Variants in DSCAM observed in about 807,000 individuals in gnomAD.
DSCAM encodes the protein DS cell adhesion molecule.
A neutral mutation model predicts 217.7 loss-of-function variants in DSCAM; 47 were observed. That is an observed-to-expected ratio of 0.22 (90% CI 0.17 to 0.28). The LOEUF is 0.28. Among genes scored for constraint, DSCAM ranks in the 10% least tolerant of loss-of-function variants. DSCAM has a pLI of 1.00. For synonymous variants in DSCAM, 1,056 were observed against 1,015.3 expected, an observed-to-expected ratio of 1.04 and a Z score of -0.76; for missense variants, 2,080 against 2,618.3, an observed-to-expected ratio of 0.79 and a Z score of 4.49.
chr21:40,342,097 G>A (rs1429658262), intron 6 of DSCAM, among the ~76,000 whole-genome samples: 1 of 151,994 alleles, frequency 6.6e-6, no homozygotes, highest in Non-Finnish European at 1.5e-5. Context: ...TCCTTTAGTG[G>A]GTGTCTGCTC....
chr21:40,188,801 T>TA (rs2090923355), intron 12 of DSCAM, among the ~76,000 whole-genome samples: 1 of 150,804 alleles, frequency 6.6e-6, no homozygotes, highest in Admixed American at 6.6e-5. Context: ...TTTTTTTTTT[T>TA]TACTACATTT....
intron 26 of DSCAM, among the ~76,000 whole-genome samples, chr21:40,076,334 C>T (rs545390330): frequency 1.3e-5 from 2 of 151,994 alleles, no homozygotes; most frequent in East Asian, 1.9e-4. Flanking sequence ...CAGAAACATT[C>T]GGCTAAGGAA....
intron 11 of DSCAM, among the ~76,000 whole-genome samples, chr21:40,223,799 T>C (rs444584): frequency 0.55 from 84,135 of 152,096 alleles, 25,200 homozygotes; most frequent in African/African-American, 0.79. Flanking sequence ...ACAACACTTA[T>C]GTGAACACAT....
chr21:40,409,050 A>C (rs1847974242), intron 3 of DSCAM, among the ~76,000 whole-genome samples: 1 of 152,232 alleles, frequency 6.6e-6, no homozygotes, highest in Non-Finnish European at 1.5e-5. Flanking sequence ...TAATGCTTAC[A>C]AAGAAAGAAA....
chr21:40,790,629 G>A (rs377405739), intron 1 of DSCAM, among the ~76,000 whole-genome samples: 12 of 152,190 alleles, frequency 7.9e-5, no homozygotes, highest in East Asian at 5.8e-4. Flanking sequence ...GGGAGTAATT[G>A]TGTGTTATGA....
At chr21:40,659,377 CT>C (rs2090112026) in intron 3 of DSCAM, among the ~76,000 whole-genome samples, 1 of 147,628 alleles carries the variant, frequency 6.8e-6, no homozygotes. Context: ...ATCTATCTAT[CT>C]ATCTATCTAT....
intron 15 of DSCAM, among the ~76,000 whole-genome samples, chr21:40,169,347 T>C (rs542907642): frequency 2.6e-5 from 4 of 152,122 alleles, no homozygotes; most frequent in African/African-American, 9.6e-5. Flanking sequence ...AGGAGAGAGT[T>C]ATGGGCTTTG....
intron 1 of DSCAM, among the ~76,000 whole-genome samples, chr21:40,710,926 C>T (rs1320008353): frequency 6.6e-6 from 1 of 151,890 alleles, no homozygotes; most frequent in Non-Finnish European, 1.5e-5. Flanking sequence ...TACCAGACAA[C>T]CTTCTAACAC....
intron 3 of DSCAM, among the ~76,000 whole-genome samples, chr21:40,507,800 G>A (rs2076221661): frequency 6.6e-6 from 1 of 151,996 alleles, no homozygotes. Flanking sequence ...AAAAATAAAT[G>A]TATAAATAAA....
chr21:40,492,568 G>C (rs1601687376), intron 3 of DSCAM, among the ~76,000 whole-genome samples: 1 of 151,632 alleles, frequency 6.6e-6, no homozygotes, highest in Non-Finnish European at 1.5e-5. Context: ...GCAAATTCTG[G>C]AGCTAGAAAA....
chr21:40,108,408 A>G (rs2089849625), intron 20 of DSCAM, among the ~76,000 whole-genome samples: 1 of 152,208 alleles, frequency 6.6e-6, no homozygotes, highest in Non-Finnish European at 1.5e-5. Context: ...CACAACTGCC[A>G]CAAAAAGAAT....
intron 3 of DSCAM, among the ~76,000 whole-genome samples, chr21:40,491,979 G>GATGTAGT (rs1484106229): frequency 6.6e-6 from 1 of 152,076 alleles, no homozygotes; most frequent in Non-Finnish European, 1.5e-5. Flanking sequence ...TATTAGGTTT[G>GATGTAGT]ATGTAGTACC....
intron 3 of DSCAM, among the ~76,000 whole-genome samples, chr21:40,680,487 C>T (rs901488372): frequency 5.9e-5 from 9 of 152,174 alleles, no homozygotes; most frequent in Non-Finnish European, 7.4e-5. Context: ...CCCTGCTGTG[C>T]GCTGCTGGCA....
chr21:40,802,176 C>T (rs2091747663), intron 1 of DSCAM, among the ~76,000 whole-genome samples: 1 of 152,198 alleles, frequency 6.6e-6, no homozygotes, highest in South Asian at 2.1e-4. Context: ...CCCAGTGTCT[C>T]GGAGGCTAAG....
At chr21:40,685,128 C>G (rs2090459114) in intron 3 of DSCAM, among the ~76,000 whole-genome samples, 1 of 152,212 alleles carries the variant, frequency 6.6e-6, no homozygotes, top group Non-Finnish European at 1.5e-5. Flanking sequence ...AGATTTTCTT[C>G]ATTTGCTTTC....
At chr21:40,755,814 C>T (rs2091269896) in intron 1 of DSCAM, among the ~76,000 whole-genome samples, 1 of 152,168 alleles carries the variant, frequency 6.6e-6, no homozygotes, top group Admixed American at 6.5e-5. Context: ...CAAAAAATGG[C>T]TGCAATAAAT....
chr21:40,834,288 T>G (rs2092037086), intron 1 of DSCAM, among the ~76,000 whole-genome samples: 1 of 151,540 alleles, frequency 6.6e-6, no homozygotes, highest in Non-Finnish European at 1.5e-5. Flanking sequence ...GTGCCTGTAG[T>G]CCCAGCTACT....
intron 1 of DSCAM, among the ~76,000 whole-genome samples, chr21:40,719,380 T>C (rs2090877485): frequency 6.6e-6 from 1 of 152,170 alleles, no homozygotes; most frequent in Admixed American, 6.5e-5. Context: ...CAGTAGTTAT[T>C]GTGGAAAATT....
intron 32 of DSCAM, among the ~76,000 whole-genome samples, chr21:40,015,967 G>A (rs964795061): frequency 6.6e-6 from 1 of 152,182 alleles, no homozygotes; most frequent in African/African-American, 2.4e-5. Flanking sequence ...CAGACAAGGG[G>A]TATTTGTGCA....
Sources: allele counts gnomAD v4.1 joint callset (sites outside exome capture counted in the v4.1 genomes callset), GRCh38; gene constraint gnomAD v4.1.1; transcripts MANE v1.5; gene names NCBI Gene and HGNC (gene_info 2026-07-23, HGNC 2026-07-21).